Variants in GALNT17 observed in about 807,000 individuals in gnomAD.
GALNT17 encodes the protein UDP-GalNAc:polypeptide N-acetylgalactosaminyltransferase-like 3.
A neutral mutation model predicts 63.7 loss-of-function variants in GALNT17; 29 were observed. The observed-to-expected ratio is 0.46, with a 90% CI of 0.34 to 0.62. GALNT17 has a LOEUF of 0.62. Among genes scored for constraint, GALNT17 ranks in the 20% least tolerant of loss-of-function variants. The probability of loss-of-function intolerance (pLI) is 0.01; values close to 1 mark genes in which losing one functional copy is unlikely to be tolerated. For synonymous variants in GALNT17, 305 were observed against 318.3 expected (o/e 0.96, Z 0.45); for missense variants, 603 against 799.6 (o/e 0.75, Z 2.97).
chr7:71,649,702 A>G (rs1317873510), intron 6 of GALNT17, among the ~76,000 whole-genome samples: 2 of 152,204 alleles, frequency 1.3e-5, no homozygotes, highest in Non-Finnish European at 2.9e-5. Flanking sequence ...TTTTATCTAT[A>G]GGAACAATGA....
At position 71,377,101 on chromosome 7, in the gene GALNT17, TAAAAATAAAAAAA is replaced by T. The variant is rs1178253654; in HGVS notation, c.423-11132_423-11120del. Among the ~76,000 whole-genome samples the T allele has an allele frequency of 1.8e-3, 94 of 51,466 alleles. 6 individuals are homozygous for T. Among genetic ancestry groups the T allele is most frequent in the African/African-American group, 8.3e-3 (85 of 10,286 alleles). 33.8% of individuals were successfully genotyped at this position (51,466 alleles called of 152,430 possible). A position where few individuals can be genotyped will look rare whatever the true frequency, so the allele number is the denominator to read the frequency against. ...ATTCCATCTCAAAAAAAAAAAAAAA[TAAAAATAAAAAAA>T]ATATATATATATATATATATATATA... On this transcript the variant is annotated intron_variant, in intron 2 of 10. Coordinates refer to ENST00000333538, the MANE Select transcript of GALNT17 (RefSeq NM_022479.3).
At chr7:71,649,728 G>A (rs1291415851) in intron 6 of GALNT17, among the ~76,000 whole-genome samples, 3 of 152,188 alleles carry the variant, frequency 2.0e-5, no homozygotes, top group Non-Finnish European at 1.5e-5. Context: ...CAGGTAGTCA[G>A]TGTGCTACGT....
intron 5 of GALNT17, among the ~76,000 whole-genome samples, chr7:71,543,138 A>G (rs1788921838): frequency 1.3e-5 from 2 of 151,674 alleles, no homozygotes; most frequent in Non-Finnish European, 1.5e-5. Flanking sequence ...GTTTCATTTC[A>G]TGGCTGTGAA....
intron 5 of GALNT17, among the ~76,000 whole-genome samples, chr7:71,516,942 A>G (rs1351567447): frequency 6.6e-6 from 1 of 152,166 alleles, no homozygotes; most frequent in Non-Finnish European, 1.5e-5. Context: ...CAACACCCTC[A>G]GTGGAATCTC....
chr7:71,657,009 A>G (rs1790838018), intron 6 of GALNT17, among the ~76,000 whole-genome samples: 1 of 152,204 alleles, frequency 6.6e-6, no homozygotes, highest in South Asian at 2.1e-4. Flanking sequence ...TTAATGGCAC[A>G]ATTGAAAACT....
chr7:71,643,354 G>A (rs1388885311), intron 6 of GALNT17, among the ~76,000 whole-genome samples: 2 of 152,110 alleles, frequency 1.3e-5, no homozygotes, highest in East Asian at 3.9e-4. Flanking sequence ...TGTAATCCCA[G>A]CTACTCAGGA....
chr7:71,194,690 T>G (rs1014055800), intron 1 of GALNT17, among the ~76,000 whole-genome samples: 1 of 152,146 alleles, frequency 6.6e-6, no homozygotes, highest in Non-Finnish European at 1.5e-5. Flanking sequence ...TCTGCAAAAT[T>G]GGGTTCTTGG....
chr7:71,549,109 T>A lies in GALNT17; in HGVS notation c.963-22176T>A, dbSNP rs557699228. Among the ~76,000 whole-genome samples the A allele has an allele frequency of 3.9e-5, 6 of 152,278 alleles. No homozygotes were observed. In the South Asian group the frequency reaches 1.2e-3, roughly 32 times the overall value. Reference sequence around the variant, plus strand: ...GCTGTGATCTTCAGGAGGGAAGGGATGATAGAGTCCACGTTTCAGCTGGCC... The same window carrying A: ...GCTGTGATCTTCAGGAGGGAAGGGAAGATAGAGTCCACGTTTCAGCTGGCC... On this transcript the variant is annotated intron_variant, in intron 5 of 10. Coordinates refer to ENST00000333538, the MANE Select transcript of GALNT17 (RefSeq NM_022479.3).
At chr7:71,219,566 A>G (rs1233673450) in intron 1 of GALNT17, among the ~76,000 whole-genome samples, 5 of 151,840 alleles carry the variant, frequency 3.3e-5, no homozygotes, top group Admixed American at 6.6e-5. Flanking sequence ...TGGAGTTTTA[A>G]ATTTTTTGTT....
chr7:71,654,892 G>A (rs867019068), intron 6 of GALNT17, among the ~76,000 whole-genome samples: 4 of 152,194 alleles, frequency 2.6e-5, no homozygotes, highest in Middle Eastern at 3.4e-3. Context: ...GGGTTCGAGC[G>A]ATTCGTCTGC....
chr7:71,383,130 C>A (rs1683600878), intron 2 of GALNT17, among the ~76,000 whole-genome samples: 1 of 152,122 alleles, frequency 6.6e-6, no homozygotes, highest in Admixed American at 6.5e-5. Context: ...CTTATTTCAC[C>A]TAGTAATCCT....
At chr7:71,518,694 GAGGGAGAA>G (rs1351511501) in intron 5 of GALNT17, among the ~76,000 whole-genome samples, 1 of 152,156 alleles carries the variant, frequency 6.6e-6, no homozygotes, top group African/African-American at 2.4e-5. Flanking sequence ...TCCTTGGGCG[GAGGGAGAA>G]AGGATGGATG....
intron 6 of GALNT17, among the ~76,000 whole-genome samples, chr7:71,583,553 G>A (rs1789669254): frequency 6.6e-6 from 1 of 152,164 alleles, no homozygotes; most frequent in Non-Finnish European, 1.5e-5. Flanking sequence ...CAGCCTCAGT[G>A]CAGAACGAAG....
intron 1 of GALNT17, among the ~76,000 whole-genome samples, chr7:71,218,677 C>T (rs1585889573): frequency 1.3e-5 from 2 of 152,020 alleles, no homozygotes; most frequent in Non-Finnish European, 2.9e-5. Flanking sequence ...CCATTGCTTG[C>T]ATTACCACCT....
intron 1 of GALNT17, among the ~76,000 whole-genome samples, chr7:71,296,431 T>TG (rs993093986): frequency 1.3e-5 from 2 of 151,958 alleles, no homozygotes; most frequent in Non-Finnish European, 2.9e-5. Context: ...TTGGCCAACA[T>TG]GGGGCCAACC....
intron 1 of GALNT17, among the ~76,000 whole-genome samples, chr7:71,321,973 A>G (rs1288101057): frequency 2.4e-5 from 1 of 41,348 alleles, no homozygotes; most frequent in Non-Finnish European, 4.4e-5. Context: ...TTTTTTTGAG[A>G]CAGAGTTTTG....
At position 71,144,952 on chromosome 7, in the gene GALNT17, T is replaced by A. The variant is rs1023749408; in HGVS notation, c.238+11912T>A. ...ACCATGTTAGCCAGGATGGTCTTGA[T>A]CTCCTGACTTCGTGATTTGCCCACC... is the stretch of plus-strand genomic sequence containing the variant. On this transcript the variant is annotated intron_variant, in intron 1 of 10. Transcript: ENST00000333538. Among the ~76,000 whole-genome samples the A allele has an allele frequency of 2.6e-5, 4 of 152,044 alleles. No individual in the cohort carries two copies. The South Asian group carries it at 6.2e-4, about 24-fold the overall frequency.
intron 5 of GALNT17, among the ~76,000 whole-genome samples, chr7:71,495,704 G>A (rs1743982615): frequency 6.6e-6 from 1 of 152,158 alleles, no homozygotes; most frequent in South Asian, 2.1e-4. Context: ...ATGCTTGATG[G>A]TCACATGTAG....
intron 5 of GALNT17, among the ~76,000 whole-genome samples, chr7:71,473,743 T>C (rs1486711525): frequency 6.6e-6 from 1 of 152,164 alleles, no homozygotes; most frequent in Non-Finnish European, 1.5e-5. Context: ...TATTTTTGCC[T>C]TACACTTTGG....
Sources: gnomAD v4.1 joint callset for allele counts (sites outside exome capture counted in the v4.1 genomes callset) on GRCh38, gnomAD v4.1.1 for gene constraint, MANE v1.5 for transcripts, NCBI Gene and HGNC (gene_info 2026-07-23, HGNC 2026-07-21) for gene names.